The following EIF4A2 variants were observed in gnomAD, a reference collection of about 807,000 sequenced individuals.
EIF4A2 encodes the protein eukaryotic initiation factor 4A-II.
A neutral mutation model predicts 50.6 loss-of-function variants in EIF4A2; 9 were observed. The observed-to-expected ratio is 0.18, with a 90% CI of 0.11 to 0.31. The LOEUF (loss-of-function observed/expected upper bound fraction) is 0.31. Among genes scored for constraint, EIF4A2 ranks in the 10% least tolerant of loss-of-function variants. The pLI, the probability that EIF4A2 is intolerant of heterozygous loss-of-function variation, is 1.00. For missense variants in EIF4A2, 182 were observed against 501.8 expected (o/e 0.36, Z 6.09); for synonymous variants, 215 against 164.4 (o/e 1.31, Z -2.35).
At chr3:186,784,294 G>C (rs1721561288) in intron 1 of EIF4A2, 138 bp from the exon 2 acceptor site, 1 of 1,264,768 alleles carries the variant, frequency 7.9e-7, no homozygotes, top group African/African-American at 1.5e-5. Flanking sequence ...GCACAGTGTG[G>C]ATATTCGCCC....
Position 186,783,855 on chromosome 3 carries a change from CCTCT to C in EIF4A2, c.29+219_29+222del, listed in dbSNP as rs1453335322. 7 of 673,964 alleles carry C rather than the reference CCTCT, an allele frequency of 1.0e-5. No individual in the cohort carries two copies. In the East Asian group the frequency reaches 1.1e-4, roughly 11 times the overall value. The allele number at this position is 673,964 out of a possible 1,614,324, so 41.7% of individuals were successfully genotyped here. Reference sequence around the variant, plus strand: ...AAAGCAGTGGCTAAAGGGCGTTTTTCCTCTCTAAGACATTACGAAACTTCGGCTG... The same window carrying C: ...AAAGCAGTGGCTAAAGGGCGTTTTTCCTAAGACATTACGAAACTTCGGCTG... On this transcript the variant is annotated intron_variant, in intron 1 of 10. Transcript: ENST00000323963.
Position 186,789,580 on chromosome 3 carries a change from A to T in EIF4A2, c.*311A>T. On this transcript the variant is annotated 3_prime_UTR_variant, in exon 11 of 11. Coordinates refer to ENST00000323963, the MANE Select transcript of EIF4A2 (RefSeq NM_001967.4). ...TATTAGATGTTCTCTATCATTTAAT[A>T]ATATACTTGTGGACTAAAAGATATA... is the stretch of plus-strand genomic sequence containing the variant. The T allele has an allele frequency of 3.0e-6, 1 of 333,968 alleles. No homozygotes were observed. The highest frequency in any genetic ancestry group is 4.7e-5 in the East Asian group (1 of 21,082). 20.7% of individuals were successfully genotyped at this position (333,968 alleles called of 1,614,324 possible). A position where few individuals can be genotyped will look rare whatever the true frequency, so the allele number is the denominator to read the frequency against.
intron 5 of EIF4A2, 39 bp from the exon 6 acceptor site, chr3:186,786,125 G>A (rs1006696974): frequency 1.2e-6 from 2 of 1,606,478 alleles, no homozygotes; most frequent in Non-Finnish European, 1.7e-6. Flanking sequence ...GTATCACTGA[G>A]TAGATCTAGA....
chr3:186,786,551 A>G lies in EIF4A2; in HGVS notation c.677A>G (p.Lys226Arg). The change falls in exon 7 of 11, where the codon AAA (lysine) becomes AGA (arginine). Residue 226 changes from lysine to arginine, a missense_variant. By Grantham distance (26) the Lys-to-Arg change is conservative. Around this residue, in one of 7 missense-constraint regions of EIF4A2, gnomAD observed 113 missense variants for 357.3 expected, o/e 0.32. Coordinates refer to ENST00000323963, the MANE Select transcript of EIF4A2 (RefSeq NM_001967.4). ...TMPTDVLEVT[K>R]KFMRDPIRIL... is the part of the protein sequence containing the mutation. The stretch of plus-strand genomic sequence containing the variant: ...CCAACTGATGTGTTGGAAGTGACCA[A>G]AAAATTCATGAGAGATCCAATTCGA... 1.2e-6 allele frequency: 2 copies of G among 1,613,254 alleles called. No homozygotes were observed. The highest frequency in any genetic ancestry group is 8.5e-7 in the Non-Finnish European group (1 of 1,179,984).
intron 1 of EIF4A2, chr3:186,784,131 C>T (rs1474174504): frequency 1.9e-6 from 1 of 513,910 alleles, no homozygotes; most frequent in Non-Finnish European, 3.5e-6. Context: ...CCGCTCCGCC[C>T]GCGTCAATCA....
At position 186,787,409 on chromosome 3, in the gene EIF4A2, C is replaced by G. The variant is rs757453128; in HGVS notation, c.910-86C>G. 1.4e-5 allele frequency: 22 copies of G among 1,607,646 alleles called. No individual in the cohort carries two copies. The South Asian group carries it at 2.2e-4, about 16-fold the overall frequency. On this transcript the variant is annotated intron_variant, in intron 8 of 10. Transcript: ENST00000323963. ...CTGTCTGCTATTCTCCTGTAGCAGCCAGGGACGCTTGGTCTCATACATGTT... is the reference window on the plus strand; with the variant it reads ...CTGTCTGCTATTCTCCTGTAGCAGCGAGGGACGCTTGGTCTCATACATGTT...
At chr3:186,786,294 C>CTCTTAAAGGTAGAGATGGGGT in intron 6 of EIF4A2, 21 bp downstream of exon 6, 1 of 1,599,320 alleles carries the variant, frequency 6.3e-7, no homozygotes, top group Non-Finnish European at 8.5e-7. Flanking sequence ...CTTCACCCCC[C>CTCTTAAAGGTAGAGATGGGGT]TCTTAAAGGT....
Position 186,789,338 on chromosome 3 carries a change from CTTCT to C in EIF4A2, c.*76_*79del, listed in dbSNP as rs1431285999. 1.4e-4 allele frequency: 212 copies of C among 1,521,234 alleles called. 2 individuals are homozygous for C. In the South Asian group the frequency reaches 1.5e-3, roughly 11 times the overall value. The allele number at this position is 1,521,234 out of a possible 1,614,324, so 94.2% of individuals were successfully genotyped here. On this transcript the variant is annotated 3_prime_UTR_variant, in exon 11 of 11. Coordinates refer to ENST00000323963, the MANE Select transcript of EIF4A2 (RefSeq NM_001967.4). Reference sequence around the variant, plus strand: ...ATAGGCGATCACAACGTGCATTGTGCTTCTTTCTTTGGGAATATTTGAATCTTGT... The same window carrying C: ...ATAGGCGATCACAACGTGCATTGTGCTTCTTTGGGAATATTTGAATCTTGT...
chr3:186,789,600 GAT>G lies in EIF4A2; in HGVS notation c.*335_*336del. 1 of 329,150 alleles carries G rather than the reference GAT, an allele frequency of 3.0e-6. No individual in the cohort carries two copies. The highest frequency in any genetic ancestry group is 5.6e-6 in the Non-Finnish European group (1 of 180,034). 20.4% of individuals were successfully genotyped at this position (329,150 alleles called of 1,614,324 possible). A position where few individuals can be genotyped will look rare whatever the true frequency, so the allele number is the denominator to read the frequency against. On this transcript the variant is annotated 3_prime_UTR_variant, in exon 11 of 11. Coordinates refer to ENST00000323963, the MANE Select transcript of EIF4A2 (RefSeq NM_001967.4). ...TTAATAATATACTTGTGGACTAAAA[GAT>G]ATAAGTGCTGTATAAAATCAGCCAA...
At chr3:186,787,662 A>C (rs771758884) in intron 9 of EIF4A2, 78 bp downstream of exon 9, 1 of 1,598,824 alleles carries the variant, frequency 6.3e-7, no homozygotes, top group African/African-American at 1.3e-5. Context: ...ACCTTTGCCA[A>C]CTTGGGCTAT....
chr3:186,784,387 AGGT>A (rs539974272), intron 1 of EIF4A2, 42 bp from the exon 2 acceptor site: 1 of 1,613,926 alleles, frequency 6.2e-7, no homozygotes, highest in South Asian at 1.1e-5. Flanking sequence ...GGTGCAGTTG[AGGT>A]GGCCTGGAAG....
intron 4 of EIF4A2, 22 bp downstream of exon 4, chr3:186,785,123 A>G (rs1468783785): frequency 2.5e-6 from 4 of 1,611,884 alleles, no homozygotes; most frequent in South Asian, 2.2e-5. Context: ...GTAGTTCAAA[A>G]AAACTGCTTG....
In EIF4A2 at chr3:186,785,955, G is replaced by A; in HGVS notation, c.421G>A (p.Val141Ile). 6.2e-7 allele frequency: 1 copy of A among 1,613,224 alleles called. No homozygotes were observed. Among genetic ancestry groups the A allele is most frequent in the Non-Finnish European group, 8.5e-7 (1 of 1,179,192 alleles). Reference sequence around the variant, plus strand: ...TCATGCCTGCATTGGTGGAACAAATGTTCGAAATGAAATGCAAAAACTGCA... The same window carrying A: ...TCATGCCTGCATTGGTGGAACAAATATTCGAAATGAAATGCAAAAACTGCA... ...TCHACIGGTN[V>I]RNEMQKLQAE... Residue 141 changes from valine to isoleucine, a missense_variant, in exon 5 of 11, where the codon GTT becomes ATT. By Grantham distance (29) the Val-to-Ile change is conservative (BLOSUM62 3). Transcript: ENST00000323963.
intron 1 of EIF4A2, chr3:186,784,093 G>A (rs1426876266): frequency 2.1e-6 from 1 of 474,454 alleles, no homozygotes; most frequent in East Asian, 3.9e-5. Context: ...ACCGGTGCCG[G>A]TGAACCGTTG....
chr3:186,785,644 T>A, intron 4 of EIF4A2: 1 of 481,648 alleles, frequency 2.1e-6, no homozygotes, highest in East Asian at 3.1e-5. Flanking sequence ...ACGTTATTCT[T>A]GGATTGTCTA....
chr3:186,787,011 G>A lies in EIF4A2; in HGVS notation c.772-116G>A, dbSNP rs1339824960. ...TTGGAACTCTGGGCTCTAAGTGCTA[G>A]GATCCCAAAGGGCTGGGATTACAGG... is the stretch of plus-strand genomic sequence containing the variant. On this transcript the variant is annotated intron_variant, in intron 7 of 10. Transcript: ENST00000323963. 2.0e-5 allele frequency: 28 copies of A among 1,424,498 alleles called. No individual in the cohort carries two copies. In the Admixed American group the frequency reaches 5.4e-4, roughly 27 times the overall value. The allele number at this position is 1,424,498 out of a possible 1,614,324, so 88.2% of individuals were successfully genotyped here. A position where few individuals can be genotyped will look rare whatever the true frequency, so the allele number is the denominator to read the frequency against.
chr3:186,785,342 TC>T (rs1454840299), intron 4 of EIF4A2: 1 of 529,150 alleles, frequency 1.9e-6, no homozygotes, highest in Non-Finnish European at 3.2e-6. Context: ...ACTAGATCTG[TC>T]CCCATTTTTT....
chr3:186,786,864 A>G, intron 7 of EIF4A2: 1 of 882,742 alleles, frequency 1.1e-6, no homozygotes, highest in South Asian at 1.3e-5. Flanking sequence ...ATTAGACCTA[A>G]CAGAATGAAG....
chr3:186,789,208 T>C lies in EIF4A2; in HGVS notation c.1163T>C (p.Ile388Thr). Residue 388 changes from isoleucine to threonine, a missense_variant, in exon 11 of 11, where the codon ATT becomes ACT. Coordinates refer to ENST00000323963, the MANE Select transcript of EIF4A2 (RefSeq NM_001967.4). ...GAAGACAAGAGGATTCTTCGTGACA[T>C]TGAGACTTTCTACAATACTACAGTG... is the stretch of plus-strand genomic sequence containing the variant. ...TEEDKRILRD[I>T]ETFYNTTVEE... 1 of 1,613,546 alleles carries C rather than the reference T, an allele frequency of 6.2e-7. No homozygotes were observed. Among genetic ancestry groups the C allele is most frequent in the Non-Finnish European group, 8.5e-7 (1 of 1,179,822 alleles).
Sources: gnomAD v4.1 joint callset for allele counts on GRCh38, gnomAD v4.1.1 for gene constraint, gnomAD v4.1.1 regional missense constraint, MANE v1.5 for transcripts, NCBI Gene and HGNC (gene_info 2026-07-23, HGNC 2026-07-21) for gene names.